Variants in KANK1 observed in about 807,000 individuals in gnomAD.
KANK1 encodes KN motif and ankyrin repeat domains 1, also known as KN motif and ankyrin repeat domain-containing protein 1.
KANK1 carries 109 observed loss-of-function variants against 106.2 expected under a neutral mutation model. That is an observed-to-expected ratio of 1.03 (90% CI 0.88 to 1.20). The LOEUF is 1.20. KANK1 is among the 50% of genes most tolerant of loss of function. The pLI is 0.00. For missense variants in KANK1, 2,399 were observed against 1,710.7 expected (o/e 1.40, Z -7.10); for synonymous variants, 873 against 652.2 (o/e 1.34, Z -5.16).
At chr9:472,909 C>T (rs1383392156) in intron 2 of KANK1, among the ~76,000 whole-genome samples, 1 of 152,090 alleles carries the variant, frequency 6.6e-6, no homozygotes, top group Non-Finnish European at 1.5e-5. Context: ...CATGAACTAC[C>T]CTAGGTGAGA....
At chr9:611,950 C>G (rs1049488929) in intron 1 of KANK1, among the ~76,000 whole-genome samples, 1 of 152,192 alleles carries the variant, frequency 6.6e-6, no homozygotes, top group Non-Finnish European at 1.5e-5. Context: ...GATCTCCTGA[C>G]CTTGTGATCC....
At chr9:660,654 C>G (rs1441943644) in intron 1 of KANK1, among the ~76,000 whole-genome samples, 2 of 152,196 alleles carry the variant, frequency 1.3e-5, no homozygotes, top group Admixed American at 6.5e-5. Context: ...CTCCTCCGCT[C>G]TCCCTCTGCA....
intron 3 of KANK1, chr9:484,336 C>T (rs3739593): frequency 0.4 from 60,966 of 152,144 alleles, 18,453 homozygotes; most frequent in African/African-American, 0.85. Context: ...ATGTAAAACA[C>T]GGAAAAAATT....
chr9:610,231 C>T (rs1420415875), intron 1 of KANK1, among the ~76,000 whole-genome samples: 1 of 152,068 alleles, frequency 6.6e-6, no homozygotes, highest in Non-Finnish European at 1.5e-5. Flanking sequence ...TTACGTTTAT[C>T]AAAAACTCTT....
In KANK1 at chr9:732,422, C is replaced by G. The variant is rs767597016; in HGVS notation, c.3050C>G (p.Ser1017Cys). Reference protein sequence around the residue: ...SSDDSSSDESSSSESDDECDV... With the variant: ...SSDDSSSDESCSSESDDECDV... Reference sequence around the variant, plus strand: ...GATGATTCCAGCTCAGATGAAAGCTCTTCTTCCGAGTCAGATGACGAGTGT... The same window carrying G: ...GATGATTCCAGCTCAGATGAAAGCTGTTCTTCCGAGTCAGATGACGAGTGT... The change falls in exon 6 of 12, where the codon TCT becomes TGT. Residue 1017 changes from serine to cysteine, a missense_variant. Physicochemically the swap from Ser to Cys is moderately radical, Grantham distance 112. Transcript: ENST00000382297. 23 of 1,614,000 alleles carry G rather than the reference C, an allele frequency of 1.4e-5. No homozygotes were observed. In the African/African-American group the frequency reaches 2.4e-4, roughly 17 times the overall value.
chr9:672,011 C>G (rs962773443), intron 1 of KANK1, among the ~76,000 whole-genome samples: 5 of 152,184 alleles, frequency 3.3e-5, no homozygotes, highest in African/African-American at 1.2e-4. Context: ...AGGATTTGCG[C>G]AAAGCCTCCT....
chr9:731,077 G>C, intron 4 of KANK1, 81 bp from the exon 5 acceptor site: 1 of 690,134 alleles, frequency 1.4e-6, no homozygotes, highest in East Asian at 3.0e-5. Flanking sequence ...ACATGCATGA[G>C]AAAAGAACTG....
At chr9:471,198 C>T (rs1308128103) in intron 2 of KANK1, among the ~76,000 whole-genome samples, 1 of 152,202 alleles carries the variant, frequency 6.6e-6, no homozygotes, top group Admixed American at 6.5e-5. Flanking sequence ...GCACCTCACC[C>T]CTTGCTTTTT....
At chr9:577,535 G>T (rs192463647) in intron 1 of KANK1, among the ~76,000 whole-genome samples, 7 of 152,146 alleles carry the variant, frequency 4.6e-5, no homozygotes, top group East Asian at 1.9e-4. Context: ...CTCCAAGTCC[G>T]CACCCGACCC....
At chr9:605,072 G>C (rs1336767296) in intron 1 of KANK1, among the ~76,000 whole-genome samples, 1 of 151,610 alleles carries the variant, frequency 6.6e-6, no homozygotes, top group Admixed American at 6.6e-5. Context: ...GGGAGGCCGA[G>C]GCAGGCAGAT....
At chr9:723,186 A>G (rs1829804497) in intron 3 of KANK1, among the ~76,000 whole-genome samples, 2 of 152,142 alleles carry the variant, frequency 1.3e-5, no homozygotes, top group Admixed American at 6.5e-5. Flanking sequence ...GCTGAGAGGT[A>G]AAGTTCCCGC....
At chr9:724,091 A>T (rs144239686) in intron 3 of KANK1, among the ~76,000 whole-genome samples, 14 of 152,254 alleles carry the variant, frequency 9.2e-5, no homozygotes, top group South Asian at 2.1e-4. Flanking sequence ...ACAGAGTGAG[A>T]TGCCATATCA....
intron 1 of KANK1, among the ~76,000 whole-genome samples, chr9:641,901 A>G (rs7853843): frequency 0.037 from 5,613 of 152,256 alleles, 358 homozygotes; most frequent in African/African-American, 0.13. Flanking sequence ...ATAATCGTGT[A>G]ACCATTGGCA....
chr9:737,516 TGA>T (rs760373025), intron 7 of KANK1, among the ~76,000 whole-genome samples: 2 of 152,242 alleles, frequency 1.3e-5, no homozygotes, highest in Non-Finnish European at 2.9e-5. Flanking sequence ...CAGTCTCCAC[TGA>T]GCTTCATGTG....
chr9:728,223 C>CA (rs1831259216), intron 3 of KANK1, among the ~76,000 whole-genome samples: 1 of 152,102 alleles, frequency 6.6e-6, no homozygotes, highest in Admixed American at 6.5e-5. Flanking sequence ...GATGGAGTCT[C>CA]CCTCTGTCAC....
rs536572053 is a variant in KANK1, at chr9:658,548, T to C, written c.-83-18342T>C. Among the ~76,000 whole-genome samples, 12 of 152,232 alleles carry C rather than the reference T, an allele frequency of 7.9e-5. No homozygotes were observed. The East Asian group carries it at 2.1e-3, about 27-fold the overall frequency. On this transcript the variant is annotated intron_variant, in intron 1 of 11. Coordinates refer to ENST00000382297, the MANE Select transcript of KANK1 (RefSeq NM_015158.5). ...TATGGCTCTTACTTTTGGTATTATG[T>C]CTAGACCTCTCTAAGCCCTAGGTCT...
At chr9:609,345 AG>A (rs1287920209) in intron 1 of KANK1, among the ~76,000 whole-genome samples, 1 of 152,130 alleles carries the variant, frequency 6.6e-6, no homozygotes, top group Non-Finnish European at 1.5e-5. Context: ...TAGAATCAAT[AG>A]GCTGGGCATC....
At chr9:719,033 C>T (rs1828562487) in intron 3 of KANK1, among the ~76,000 whole-genome samples, 1 of 143,794 alleles carries the variant, frequency 7.0e-6, no homozygotes, top group Admixed American at 7.2e-5. Flanking sequence ...AATCTCAGCT[C>T]ATCGCAACCT....
intron 1 of KANK1, among the ~76,000 whole-genome samples, chr9:508,364 C>G (rs917000893): frequency 4.0e-5 from 6 of 151,690 alleles, no homozygotes; most frequent in African/African-American, 1.5e-4. Context: ...CTCGAACTCC[C>G]GACCTCAGGT....
Sources: allele counts gnomAD v4.1 joint callset (sites outside exome capture counted in the v4.1 genomes callset), GRCh38; gene constraint gnomAD v4.1.1; transcripts MANE v1.5; gene names NCBI Gene and HGNC (gene_info 2026-07-23, HGNC 2026-07-21).